Variants in ASAP2 observed in about 807,000 individuals in gnomAD.
The protein encoded by ASAP2 is arf-GAP with SH3 domain, ANK repeat and PH domain-containing protein 2.
A neutral mutation model predicts 131.4 loss-of-function variants in ASAP2; 45 were observed. The ratio of observed to expected loss-of-function variants is 0.34; its 90% confidence interval spans 0.27 to 0.44. The LOEUF is 0.44. Ranked by LOEUF, ASAP2 falls within the 20% of genes least tolerant of loss-of-function variation. The pLI is 1.00. For synonymous variants in ASAP2, 510 were observed against 503.0 expected (o/e 1.01, Z -0.19); for missense variants, 1,011 against 1,297.0 (o/e 0.78, Z 3.39).
chr2:9,347,751 C>G (rs1304133596), intron 11 of ASAP2, among the ~76,000 whole-genome samples: 1 of 152,182 alleles, frequency 6.6e-6, no homozygotes, highest in East Asian at 1.9e-4. Flanking sequence ...TCCTCTTTGC[C>G]AGATTCGCAG....
chr2:9,359,906 G>A (rs757091526), intron 15 of ASAP2, among the ~76,000 whole-genome samples: 12 of 152,226 alleles, frequency 7.9e-5, no homozygotes, highest in Admixed American at 2.0e-4. Context: ...GTTACTTACA[G>A]TTTAAAACTA....
intron 7 of ASAP2, among the ~76,000 whole-genome samples, chr2:9,331,625 G>A (rs569839098): frequency 1.3e-5 from 2 of 152,082 alleles, no homozygotes; most frequent in Non-Finnish European, 2.9e-5. Flanking sequence ...AAAATTAGCC[G>A]GATGCGGTAG....
chr2:9,313,519 C>G (rs771106986), intron 3 of ASAP2, among the ~76,000 whole-genome samples: 5 of 152,208 alleles, frequency 3.3e-5, no homozygotes, highest in African/African-American at 4.8e-5. Context: ...TCCCCACAAC[C>G]CACCTTATCA....
At chr2:9,386,876 A>G (rs1675295827) in intron 21 of ASAP2, among the ~76,000 whole-genome samples, 1 of 152,228 alleles carries the variant, frequency 6.6e-6, no homozygotes, top group Non-Finnish European at 1.5e-5. Context: ...GGTCTAAGTT[A>G]CCTGAGTCAT....
At chr2:9,233,651 A>G (rs953034234) in intron 1 of ASAP2, among the ~76,000 whole-genome samples, 9 of 152,194 alleles carry the variant, frequency 5.9e-5, no homozygotes, top group Non-Finnish European at 8.8e-5. Flanking sequence ...GCTAATTGAT[A>G]CCTGTGTGGC....
intron 1 of ASAP2, among the ~76,000 whole-genome samples, chr2:9,265,060 C>T (rs1339335323): frequency 6.6e-6 from 1 of 152,010 alleles, no homozygotes. Context: ...CACTTGAGCC[C>T]GGGAGGTGGA....
chr2:9,283,982 C>T (rs754350840), intron 2 of ASAP2, among the ~76,000 whole-genome samples: 16 of 152,160 alleles, frequency 1.1e-4, no homozygotes, highest in Non-Finnish European at 2.1e-4. Flanking sequence ...GGGGAAGGGA[C>T]GCAATTCAGT....
chr2:9,365,528 A>G (rs1673403332), intron 15 of ASAP2, among the ~76,000 whole-genome samples: 1 of 152,146 alleles, frequency 6.6e-6, no homozygotes, highest in Admixed American at 6.5e-5. Flanking sequence ...GATAAAACCT[A>G]AAGCTTCATT....
intron 1 of ASAP2, among the ~76,000 whole-genome samples, chr2:9,272,970 T>C (rs1293787096): frequency 1.3e-5 from 2 of 152,210 alleles, no homozygotes; most frequent in Non-Finnish European, 2.9e-5. Context: ...ATAATTTAAG[T>C]AAGGTAATGT....
intron 3 of ASAP2, among the ~76,000 whole-genome samples, chr2:9,298,404 C>G (rs1668281228): frequency 6.6e-6 from 1 of 152,146 alleles, no homozygotes; most frequent in Admixed American, 6.5e-5. Context: ...GCACTCGGGC[C>G]CTTGCTCTTT....
intron 1 of ASAP2, among the ~76,000 whole-genome samples, chr2:9,211,523 C>G (rs750504226): frequency 6.6e-6 from 1 of 152,062 alleles, no homozygotes; most frequent in Admixed American, 6.6e-5. Flanking sequence ...TTCTGCCTTA[C>G]GTATTTGGCA....
intron 3 of ASAP2, among the ~76,000 whole-genome samples, chr2:9,305,930 G>A (rs1277009405): frequency 6.6e-6 from 1 of 151,186 alleles, no homozygotes; most frequent in Non-Finnish European, 1.5e-5. Context: ...TATTGGTGGA[G>A]GGGCTGTAAT....
chr2:9,334,500 G>A (rs1342664423), intron 7 of ASAP2, among the ~76,000 whole-genome samples: 2 of 152,074 alleles, frequency 1.3e-5, no homozygotes, highest in Non-Finnish European at 2.9e-5. Context: ...ATTTTATATG[G>A]GTCGAGAAAA....
chr2:9,229,029 CACGT>C (rs1257136536), intron 1 of ASAP2, among the ~76,000 whole-genome samples: 1 of 152,030 alleles, frequency 6.6e-6, no homozygotes. Context: ...GCCTTGTTAC[CACGT>C]AGGGATCTGG....
chr2:9,259,985 G>C (rs948390387), intron 1 of ASAP2, among the ~76,000 whole-genome samples: 33 of 152,216 alleles, frequency 2.2e-4, no homozygotes, highest in African/African-American at 7.5e-4. Context: ...TCCCCTATCT[G>C]GGAAACTCTG....
intron 1 of ASAP2, among the ~76,000 whole-genome samples, chr2:9,256,239 C>G (rs1036114841): frequency 6.6e-6 from 1 of 151,430 alleles, no homozygotes; most frequent in Non-Finnish European, 1.5e-5. Flanking sequence ...TATTGAGTGC[C>G]AACCATGTGC....
chr2:9,376,869 C>T (rs1461851293), intron 17 of ASAP2, 39 bp from the exon 18 acceptor site: 4 of 1,559,226 alleles, frequency 2.6e-6, no homozygotes, highest in South Asian at 2.2e-5. Context: ...ATTGAATGCT[C>T]CCATTAGAAT....
chr2:9,394,159 C>CTTTTTTT (rs71389241), intron 24 of ASAP2, among the ~76,000 whole-genome samples: 7 of 81,778 alleles, frequency 8.6e-5, no homozygotes, highest in Non-Finnish European at 1.1e-4. Flanking sequence ...TAGTTTGTGG[C>CTTTTTTT]TTTTTTTTTT....
intron 1 of ASAP2, among the ~76,000 whole-genome samples, chr2:9,267,637 CTGT>C (rs386642984): frequency 2.4e-4 from 37 of 152,200 alleles, no homozygotes; most frequent in African/African-American, 8.9e-4. Flanking sequence ...TTTCTCATGC[CTGT>C]AATCCCAGCA....
Sources: gnomAD v4.1 joint callset for allele counts (sites outside exome capture counted in the v4.1 genomes callset) on GRCh38, gnomAD v4.1.1 for gene constraint, MANE v1.5 for transcripts, NCBI Gene and HGNC (gene_info 2026-07-23, HGNC 2026-07-21) for gene names.